Variants in VAC14 observed in about 807,000 individuals in gnomAD.
The protein encoded by VAC14 is protein VAC14 homolog.
Under a neutral mutation model 85.3 loss-of-function variants are expected in VAC14, and 47 were observed. The ratio of observed to expected loss-of-function variants is 0.55; its 90% CI spans 0.44 to 0.70. The LOEUF (loss-of-function observed/expected upper bound fraction) is 0.70. VAC14 is among the 30% of genes least tolerant of loss of function. The pLI, the probability that VAC14 is intolerant of heterozygous loss-of-function variation, is 0.00. For missense variants in VAC14, 861 were observed against 1,004.3 expected, an observed-to-expected ratio of 0.86 and a Z score of 1.93; for synonymous variants, 447 against 430.5, an observed-to-expected ratio of 1.04 and a Z score of -0.47.
chr16:70,781,040 G>T, intron 8 of VAC14, 101 bp from the exon 9 acceptor site: 1 of 1,536,472 alleles, frequency 6.5e-7, no homozygotes, highest in South Asian at 1.2e-5. Flanking sequence ...GGGCCTGGTG[G>T]GAGGGGTTTC....
chr16:70,769,705 G>A (rs546271477), intron 10 of VAC14: 2 of 152,342 alleles, frequency 1.3e-5, no homozygotes, highest in East Asian at 3.9e-4. Context: ...CTTGGCACAA[G>A]AACTGAGGGC....
intron 12 of VAC14, among the ~76,000 whole-genome samples, chr16:70,746,805 A>C (rs779545913): frequency 6.6e-6 from 1 of 152,114 alleles, no homozygotes; most frequent in Non-Finnish European, 1.5e-5. Flanking sequence ...GGCCATGCAC[A>C]CCAATGCTTG....
At chr16:70,737,279 C>T (rs2054787176) in intron 13 of VAC14, among the ~76,000 whole-genome samples, 1 of 152,202 alleles carries the variant, frequency 6.6e-6, no homozygotes, top group Non-Finnish European at 1.5e-5. Context: ...CAGCTCAGGG[C>T]ACGCCCTCCA....
chr16:70,732,183 A>C (rs562803124), intron 13 of VAC14, among the ~76,000 whole-genome samples: 8 of 152,352 alleles, frequency 5.3e-5, no homozygotes, highest in African/African-American at 1.9e-4. Context: ...GAGGAAAAGG[A>C]ATGATGCGCA....
At chr16:70,785,642 G>C in intron 3 of VAC14, 60 bp downstream of exon 3, 1 of 1,494,848 alleles carries the variant, frequency 6.7e-7, no homozygotes, top group Non-Finnish European at 9.0e-7. Context: ...GGTTCCAGAA[G>C]GTCAAGTGAG....
Position 70,695,536 on chromosome 16 carries a change from G to A in VAC14, c.2035+8C>T. ...ATGGCGCGAGGTGTGGTGGGAGGTG[G>A]TTCTTACATGTGAAGATGGGGCACT... On this transcript the variant is annotated splice_region_variant and intron_variant, in intron 17 of 18. Coordinates refer to ENST00000261776, the MANE Select transcript of VAC14 (RefSeq NM_018052.5). The A allele has an allele frequency of 6.2e-7, 1 of 1,613,770 alleles. No homozygotes were observed. Among genetic ancestry groups the A allele is most frequent in the Non-Finnish European group, 8.5e-7 (1 of 1,179,810 alleles).
rs371230060 is a variant in VAC14, at chr16:70,688,038, C to T, written c.2239G>A (p.Asp747Asn). ...KSQKADSPSI[D>N]YAELLQHFEK... Reference sequence around the variant, plus strand: ...AAGTGCTGCAGCAGCTCTGCGTAGTCGATGCTAGGGGAGTCAGCTTTCTGG... The same window carrying T: ...AAGTGCTGCAGCAGCTCTGCGTAGTTGATGCTAGGGGAGTCAGCTTTCTGG... Residue 747 changes from aspartate (D) to asparagine (N), a missense_variant, in exon 19 of 19, where the codon GAC becomes AAC. Around this residue, in one of 3 missense-constraint regions of VAC14, gnomAD observed 163 missense variants for 162.2 expected, o/e 1.00. Transcript: ENST00000261776. 6 of 1,603,926 alleles carry T rather than the reference C, an allele frequency of 3.7e-6. No individual in the cohort carries two copies. Among genetic ancestry groups the T allele is most frequent in the Admixed American group, 1.7e-5 (1 of 59,198 alleles).
At chr16:70,783,346 T>C (rs1452395582) in intron 6 of VAC14, 99 bp downstream of exon 6, 5 of 1,264,804 alleles carry the variant, frequency 4.0e-6, no homozygotes, top group Non-Finnish European at 5.7e-6. Flanking sequence ...AAGAGGTGAT[T>C]TCCTGCCCTC....
Position 70,762,872 on chromosome 16 carries a change from A to G in VAC14, c.1305+9T>C, listed in dbSNP as rs578114184. ...AGAGGCCCCTGGCTTGGAGGGGCCC[A>G]GGGCTCACCTTCCGAGGAGTTTTGA... On this transcript the variant is annotated intron_variant, in intron 11 of 18. Transcript: ENST00000261776. The surrounding 1 kb of genome is among the most constrained non-coding windows in gnomAD (Gnocchi z 4.1). The G allele has an allele frequency of 3.7e-6, 6 of 1,614,194 alleles. No individual in the cohort carries two copies. The South Asian group carries it at 5.5e-5, about 15-fold the overall frequency.
chr16:70,709,116 G>C (rs1030457282), intron 14 of VAC14, among the ~76,000 whole-genome samples: 1 of 152,192 alleles, frequency 6.6e-6, no homozygotes, highest in Non-Finnish European at 1.5e-5. Flanking sequence ...AGTACATTAG[G>C]AACATCGTGT....
At chr16:70,761,024 G>GTGTCTGTGTGT (rs1567577775) in intron 12 of VAC14, 1 of 197,510 alleles carries the variant, frequency 5.1e-6, no homozygotes, top group Non-Finnish European at 9.5e-6. Context: ...TGTGTGCATG[G>GTGTCTGTGTGT]GGGGGCGGGG....
Position 70,762,448 on chromosome 16 carries a change from T to C in VAC14, c.1371+92A>G. 7.9e-7 allele frequency: 1 copy of C among 1,260,140 alleles called. No individual in the cohort carries two copies. Among genetic ancestry groups the C allele is most frequent in the Non-Finnish European group, 1.1e-6 (1 of 874,126 alleles). The allele number at this position is 1,260,140 out of a possible 1,614,324, so 78.1% of individuals were successfully genotyped here. On this transcript the variant is annotated intron_variant, in intron 12 of 18. Coordinates refer to ENST00000261776, the MANE Select transcript of VAC14 (RefSeq NM_018052.5). The surrounding 1 kb of genome is among the most constrained non-coding windows in gnomAD (Gnocchi z 4.1). ...AACACAGCTTTACCTCTAGGAAGGA[T>C]GCACTGTACCAAAATAAGCATATCT...
chr16:70,734,300 A>C (rs1232360733), intron 13 of VAC14, among the ~76,000 whole-genome samples: 2 of 151,970 alleles, frequency 1.3e-5, no homozygotes, highest in Admixed American at 1.3e-4. Flanking sequence ...CATCACACCC[A>C]GCTAAATTTT....
intron 1 of VAC14, among the ~76,000 whole-genome samples, chr16:70,787,859 A>C (rs1220196823): frequency 6.6e-6 from 1 of 152,146 alleles, no homozygotes; most frequent in African/African-American, 2.4e-5. Context: ...AGAAGAATAG[A>C]TTTCATGTAC....
intron 12 of VAC14, among the ~76,000 whole-genome samples, chr16:70,754,228 ACAC>A (rs2031640832): frequency 2.6e-5 from 4 of 152,112 alleles, no homozygotes; most frequent in Admixed American, 2.6e-4. Context: ...GTGGGCACTG[ACAC>A]CACAAGGTGG....
intron 17 of VAC14, among the ~76,000 whole-genome samples, chr16:70,694,320 C>T (rs1031117100): frequency 1.3e-5 from 2 of 152,216 alleles, no homozygotes; most frequent in Admixed American, 1.3e-4. Context: ...TAGGATCTGA[C>T]CTCAGGCGGC....
At chr16:70,689,105 C>T in intron 18 of VAC14, 3 of 984,372 alleles carry the variant, frequency 3.0e-6, no homozygotes, top group Non-Finnish European at 3.6e-6. Flanking sequence ...AGCACAGGAT[C>T]TAGACAGACC....
chr16:70,786,103 T>C (rs1363125782), intron 2 of VAC14, 112 bp downstream of exon 2: 30 of 1,503,016 alleles, frequency 2.0e-5, no homozygotes, highest in South Asian at 2.5e-5. Context: ...AGAGTGGTAA[T>C]AAAACATAGG....
chr16:70,759,518 C>T (rs570645567), intron 12 of VAC14, among the ~76,000 whole-genome samples: 1 of 152,274 alleles, frequency 6.6e-6, no homozygotes, highest in Admixed American at 6.5e-5. Flanking sequence ...ATCCCAGATA[C>T]TTGGGAGGCT....
Sources: gnomAD v4.1 joint callset for allele counts (sites outside exome capture counted in the v4.1 genomes callset) on GRCh38, gnomAD v4.1.1 for gene constraint, gnomAD v4.1.1 regional missense constraint, Gnocchi (gnomAD v3.1) non-coding constraint, MANE v1.5 for transcripts, NCBI Gene and HGNC (gene_info 2026-07-23, HGNC 2026-07-21) for gene names.